GPC5: variants seen among roughly 807,000 people sequenced by gnomAD.
GPC5 encodes the protein glypican-5.
In GPC5, 47 loss-of-function variants were observed where a neutral mutation model predicts 53.9. That is an observed-to-expected ratio of 0.87 (90% confidence interval 0.69 to 1.11). The LOEUF is 1.11. GPC5 is among the 50% of genes most tolerant of loss of function. The pLI is 0.00. For synonymous variants in GPC5, 286 were observed against 263.3 expected, an observed-to-expected ratio of 1.09 and a Z score of -0.84; for missense variants, 748 against 713.1, an observed-to-expected ratio of 1.05 and a Z score of -0.56.
chr13:92,532,870 CAG>C (rs1478915704), intron 7 of GPC5, among the ~76,000 whole-genome samples: 2 of 151,994 alleles, frequency 1.3e-5, no homozygotes, highest in South Asian at 2.1e-4. Context: ...ATATAACAAA[CAG>C]AGTTATAAAC....
At chr13:92,437,900 G>GA (rs1877379264) in intron 7 of GPC5, among the ~76,000 whole-genome samples, 1 of 152,094 alleles carries the variant, frequency 6.6e-6, no homozygotes, top group Non-Finnish European at 1.5e-5. Flanking sequence ...ATAAGCTAGA[G>GA]AAAACTGTTT....
intron 7 of GPC5, among the ~76,000 whole-genome samples, chr13:92,530,937 T>A (rs1881543428): frequency 6.6e-6 from 1 of 152,202 alleles, no homozygotes; most frequent in Non-Finnish European, 1.5e-5. Context: ...AAAGCACACA[T>A]GATCCTGTCA....
At chr13:91,698,572 C>G (rs191478) in intron 3 of GPC5, among the ~76,000 whole-genome samples, 29,441 of 152,044 alleles carry the variant, frequency 0.19, 3,464 homozygotes, top group East Asian at 0.33. Context: ...ATATATTTTC[C>G]TACAATATGG....
intron 7 of GPC5, among the ~76,000 whole-genome samples, chr13:92,808,847 G>T (rs1877194506): frequency 6.6e-6 from 1 of 151,860 alleles, no homozygotes; most frequent in South Asian, 2.1e-4. Context: ...AAAAAAACTT[G>T]CCCCTGAAAT....
At chr13:92,406,640 CTCATA>C (rs1875808431) in intron 7 of GPC5, among the ~76,000 whole-genome samples, 1 of 152,146 alleles carries the variant, frequency 6.6e-6, no homozygotes, top group Non-Finnish European at 1.5e-5. Context: ...TATAAGTTAA[CTCATA>C]TCATGTTTAC....
intron 6 of GPC5, among the ~76,000 whole-genome samples, chr13:92,100,729 G>C (rs1457288137): frequency 6.6e-6 from 1 of 152,134 alleles, no homozygotes; most frequent in Non-Finnish European, 1.5e-5. Context: ...GAAGAATTCT[G>C]TTAGGGGAGA....
At chr13:92,665,103 A>C (rs1330017006) in intron 7 of GPC5, among the ~76,000 whole-genome samples, 1 of 152,166 alleles carries the variant, frequency 6.6e-6, no homozygotes, top group Non-Finnish European at 1.5e-5. Flanking sequence ...GAAAGGATGC[A>C]CCCAAAACTG....
intron 7 of GPC5, among the ~76,000 whole-genome samples, chr13:92,764,897 C>T (rs1875332690): frequency 6.6e-6 from 1 of 151,942 alleles, no homozygotes; most frequent in Admixed American, 6.6e-5. Context: ...AATGGATGAG[C>T]TAATTTCACT....
chr13:91,986,697 C>T (rs752896622), intron 6 of GPC5, among the ~76,000 whole-genome samples: 9 of 152,156 alleles, frequency 5.9e-5, no homozygotes, highest in Non-Finnish European at 1.2e-4. Context: ...CTCACTAGAC[C>T]TAAGTTCCTT....
chr13:92,559,777 C>T (rs1240502953), intron 7 of GPC5, among the ~76,000 whole-genome samples: 2 of 151,448 alleles, frequency 1.3e-5, no homozygotes, highest in East Asian at 2.0e-4. Flanking sequence ...GTGTTTTTTC[C>T]ACATGGTCCC....
chr13:92,382,801 G>A (rs1193868326), intron 7 of GPC5, among the ~76,000 whole-genome samples: 1 of 151,864 alleles, frequency 6.6e-6, no homozygotes, highest in Non-Finnish European at 1.5e-5. Flanking sequence ...ACGAGGTCAG[G>A]AGATCAAGAC....
intron 2 of GPC5, among the ~76,000 whole-genome samples, chr13:91,638,070 C>A (rs2034326996): frequency 6.6e-6 from 1 of 152,200 alleles, no homozygotes; most frequent in Non-Finnish European, 1.5e-5. Context: ...TGTAGGAAAA[C>A]AGCAAGGCCC....
At chr13:91,946,232 T>C (rs1349140361) in intron 6 of GPC5, among the ~76,000 whole-genome samples, 5 of 152,168 alleles carry the variant, frequency 3.3e-5, no homozygotes. Context: ...TCTCTGAAAA[T>C]AAAGCTTACT....
intron 7 of GPC5, among the ~76,000 whole-genome samples, chr13:92,440,078 T>C (rs560922620): frequency 1.3e-5 from 2 of 152,234 alleles, no homozygotes; most frequent in South Asian, 4.1e-4. Flanking sequence ...CAAAAGGGAA[T>C]GATGGGACAA....
chr13:92,134,612 T>A (rs1355075043), intron 6 of GPC5, among the ~76,000 whole-genome samples: 1 of 152,140 alleles, frequency 6.6e-6, no homozygotes, highest in African/African-American at 2.4e-5. Context: ...TGTTGAACTA[T>A]TTTTGCTTAG....
rs546262672 is a variant in GPC5, at chr13:91,974,474, AACAG to A, written c.1401+66421_1401+66424del. 1.1e-3 allele frequency among the ~76,000 whole-genome samples: 165 copies of A among 151,816 alleles called. 1 individual carries two copies. The highest frequency in any genetic ancestry group is 1.9e-3 in the Non-Finnish European group (130 of 67,808). ...ATCACAAGCATTCTTAGACACCAAT[AACAG>A]ACAAACAGAAAGCCAAATCATGAGT... is the stretch of plus-strand genomic sequence containing the variant. On this transcript the variant is annotated intron_variant, in intron 6 of 7. Transcript: ENST00000377067.
intron 3 of GPC5, among the ~76,000 whole-genome samples, chr13:91,728,217 T>C (rs565044024): frequency 6.6e-6 from 1 of 152,164 alleles, no homozygotes; most frequent in East Asian, 1.9e-4. Context: ...TCATAAATAA[T>C]ATCTATTTTG....
At chr13:91,901,194 A>G (rs988822692) in intron 5 of GPC5, among the ~76,000 whole-genome samples, 2 of 152,058 alleles carry the variant, frequency 1.3e-5, no homozygotes, top group Admixed American at 1.3e-4. Flanking sequence ...CCTTAATTCC[A>G]TTTATTTTGA....
intron 2 of GPC5, among the ~76,000 whole-genome samples, chr13:91,631,578 G>A (rs2034159203): frequency 6.6e-6 from 1 of 152,058 alleles, no homozygotes; most frequent in East Asian, 1.9e-4. Flanking sequence ...GTGTGCCACA[G>A]AGCCCCACTG....
Sources: allele counts gnomAD v4.1 joint callset (sites outside exome capture counted in the v4.1 genomes callset), GRCh38; gene constraint gnomAD v4.1.1; transcripts MANE v1.5; gene names NCBI Gene and HGNC (gene_info 2026-07-23, HGNC 2026-07-21).